OR8B8: variants seen among roughly 807,000 people sequenced by gnomAD.
OR8B8 encodes the protein olfactory receptor family 8 subfamily B member 8.
Under a neutral mutation model 10.5 loss-of-function variants are expected in OR8B8, and 8 were observed. The observed-to-expected ratio is 0.76, with a 90% CI of 0.45 to 1.38. OR8B8 has a LOEUF of 1.38. Ranked by LOEUF, OR8B8 falls within the 40% of genes most tolerant of loss-of-function variation. OR8B8 has a pLI of 0.00. For synonymous variants in OR8B8, 150 were observed against 145.2 expected (o/e 1.03, Z -0.24); for missense variants, 390 against 380.5 (o/e 1.03, Z -0.21).
rs760554019 is a variant in OR8B8 at position 124,440,968 on chromosome 11, C to G, written c.118G>C (p.Val40Leu). 28 of 1,614,054 alleles carry G rather than the reference C, an allele frequency of 1.7e-5. 1 individual carries two copies. Among genetic ancestry groups the G allele is most frequent in the Non-Finnish European group, 2.3e-5 (27 of 1,180,030 alleles). The change falls in exon 3 of 3, where the codon GTG (valine) becomes CTG (leucine). Residue 40 changes from valine to leucine, a missense_variant. Physicochemically the swap from Val to Leu is conservative, Grantham distance 32. Transcript: ENST00000642064. ...AGGGTTATCAAGCCCAGGTTCCCCACCACAGTGACCACGTAGAAGCCTAGA... is the reference window on the plus strand; with the variant it reads ...AGGGTTATCAAGCCCAGGTTCCCCAGCACAGTGACCACGTAGAAGCCTAGA... ...LFLGFYVVTV[V>L]GNLGLITLIR...
Position 124,440,448 on chromosome 11 carries a change from G to C in OR8B8, c.638C>G (p.Thr213Ser). 1 of 1,614,200 alleles carries C rather than the reference G, an allele frequency of 6.2e-7. No homozygotes were observed. The highest frequency in any genetic ancestry group is 8.5e-7 in the Non-Finnish European group (1 of 1,180,040). Residue 213 changes from threonine to serine, a missense_variant, in exon 3 of 3, where the codon ACC becomes AGC. Thr to Ser is a moderately conservative substitution (Grantham distance 58). Coordinates refer to ENST00000642064, the MANE Select transcript of OR8B8 (RefSeq NM_012378.2). ...VGIDIGVPTV[T>S]IFISYALILS... is the part of the protein sequence containing the mutation. ...AATGAGAGCATAGGAAATGAAGATGGTGACTGTGGGCACACCAATATCAAT... is the reference window on the plus strand; with the variant it reads ...AATGAGAGCATAGGAAATGAAGATGCTGACTGTGGGCACACCAATATCAAT...
At chr11:124,443,923 C>A (rs148500938) in intron 1 of OR8B8, among the ~76,000 whole-genome samples, 3 of 152,168 alleles carry the variant, frequency 2.0e-5, no homozygotes, top group Non-Finnish European at 2.9e-5. Flanking sequence ...GATCTGTAAG[C>A]GTGAAGGAAT....
rs534811708 is a variant in OR8B8 at position 124,444,453 on chromosome 11, G to A, written c.-153+1123C>T. 3.3e-5 allele frequency among the ~76,000 whole-genome samples: 5 copies of A among 152,252 alleles called. No homozygotes were observed. The South Asian group carries it at 6.2e-4, about 19-fold the overall frequency. ...TCACACCTTAATAGGGATTAGCCAC[G>A]ACAAATCCTACAGTACTTTGTTCTT... On this transcript the variant is annotated intron_variant, in intron 1 of 2. Coordinates refer to ENST00000642064, the MANE Select transcript of OR8B8 (RefSeq NM_012378.2).
rs1279000179 is a variant in OR8B8, at chr11:124,437,655, TGTGTGTGTGTGTGCGCGC to T, written c.*2477_*2494del. ...GTGTGTGTGTGTGTGTGTGTGTGTG[TGTGTGTGTGTGTGCGCGC>T]GCGCGTGCGTGCGTGCTGGGATTAC... On this transcript the variant is annotated 3_prime_UTR_variant, in exon 3 of 3. Transcript: ENST00000642064. 2,022 of 115,904 alleles carry T rather than the reference TGTGTGTGTGTGTGCGCGC, an allele frequency of 0.017. 38 individuals carry two copies. The highest frequency in any genetic ancestry group is 0.057 in the African/African-American group (1,903 of 33,156). 7.2% of individuals were successfully genotyped at this position (115,904 alleles called of 1,614,324 possible). A position where few individuals can be genotyped will look rare whatever the true frequency, so the allele number is the denominator to read the frequency against.
rs1861466203 is a variant in OR8B8, at chr11:124,440,912, AG to A, written c.173del (p.Pro58LeufsTer12). On this transcript the variant is annotated frameshift_variant, in exon 3 of 3. Transcript: ENST00000642064. LOFTEE classifies it high-confidence loss of function. ...ACAAGTTATAGAGGAAGAAGTACAT[AG>A]GGGTGTGCAAGTGAGAGTTGAGCCT... ...LIRLNSHLHT[P>X]MYFFLYNLSF... is the part of the protein sequence containing the mutation. 1 of 1,614,078 alleles carries A rather than the reference AG, an allele frequency of 6.2e-7. No individual in the cohort carries two copies.
chr11:124,443,274 G>T (rs1456046212), intron 1 of OR8B8, among the ~76,000 whole-genome samples: 4 of 152,144 alleles, frequency 2.6e-5, no homozygotes, highest in Non-Finnish European at 5.9e-5. Flanking sequence ...ATATAGTTGT[G>T]CATCAACCCT....
rs762419906 is a variant in OR8B8, at chr11:124,440,766, A to G, written c.320T>C (p.Phe107Ser). 30 of 1,614,122 alleles carry G rather than the reference A, an allele frequency of 1.9e-5. No homozygotes were observed. The Admixed American group carries it at 4.8e-4, about 26-fold the overall frequency. The change falls in exon 3 of 3, where the codon TTT becomes TCT. Residue 107 changes from phenylalanine to serine, a missense_variant. Transcript: ENST00000642064. Reference sequence around the variant, plus strand: ...CAGGATGAAGGACTCAGAGACAACAAAGAAAAGAAAGAAGAAGAGCTGAGT... The same window carrying G: ...CAGGATGAAGGACTCAGAGACAACAGAGAAAAGAAAGAAGAAGAGCTGAGT... The part of the protein sequence containing the change: ...CMTQLFFFLF[F>S]VVSESFILSA...
In OR8B8 at chr11:124,439,881, G is replaced by A. The variant is rs1009311613; in HGVS notation, c.*269C>T. 4 of 342,364 alleles carry A rather than the reference G, an allele frequency of 1.2e-5. No homozygotes were observed. The highest frequency in any genetic ancestry group is 4.8e-5 in the East Asian group (1 of 20,836). 21.2% of individuals were successfully genotyped at this position (342,364 alleles called of 1,614,324 possible). ...GAAATAAAGAGCCTGGATTTTAGTC[G>A]CAGTTCCACTGCTGAGCAGCTGAGC... On this transcript the variant is annotated 3_prime_UTR_variant, in exon 3 of 3. Transcript: ENST00000642064.
intron 1 of OR8B8, among the ~76,000 whole-genome samples, chr11:124,444,083 A>G (rs758991832): frequency 3.3e-5 from 5 of 152,176 alleles, no homozygotes; most frequent in Non-Finnish European, 5.9e-5. Flanking sequence ...GGTTTTCTAT[A>G]CTTCCCTGTT....
At chr11:124,441,162 T>G in intron 2 of OR8B8, 61 bp from the exon 3 acceptor site, 2 of 1,063,756 alleles carry the variant, frequency 1.9e-6, no homozygotes, top group Non-Finnish European at 2.7e-6. Context: ...GCCCTCCCAG[T>G]CATCCCTCCT....
chr11:124,441,114 G>A lies in OR8B8; in HGVS notation c.-16-13C>T. ...CATTTAAGGCATTCTGTGGGGACAAGGGAAAAAGTTATTTAGAGAGAGAGA... is the reference window on the plus strand; with the variant it reads ...CATTTAAGGCATTCTGTGGGGACAAAGGAAAAAGTTATTTAGAGAGAGAGA... On this transcript the variant is annotated splice_polypyrimidine_tract_variant and intron_variant, in intron 2 of 2. Transcript: ENST00000642064. The A allele has an allele frequency of 6.4e-7, 1 of 1,553,546 alleles. No homozygotes were observed. Among genetic ancestry groups the A allele is most frequent in the Non-Finnish European group, 8.8e-7 (1 of 1,140,444 alleles).
At chr11:124,443,687 C>T (rs955870195) in intron 1 of OR8B8, among the ~76,000 whole-genome samples, 2 of 152,170 alleles carry the variant, frequency 1.3e-5, no homozygotes, top group South Asian at 2.1e-4. Flanking sequence ...GTTCAGGTCC[C>T]ATCACCAAGC....
intron 1 of OR8B8, among the ~76,000 whole-genome samples, chr11:124,441,991 G>A (rs955375768): frequency 5.9e-5 from 9 of 152,072 alleles, no homozygotes; most frequent in Non-Finnish European, 7.4e-5. Flanking sequence ...ACATCTACTC[G>A]GAAATATGCA....
In OR8B8 at chr11:124,437,854, T is replaced by G. The variant is rs1278521097; in HGVS notation, c.*2296A>C. 1 of 152,140 alleles carries G rather than the reference T, an allele frequency of 6.6e-6. No homozygotes were observed. The highest frequency in any genetic ancestry group is 1.5e-5 in the Non-Finnish European group (1 of 68,034). 9.4% of individuals were successfully genotyped at this position (152,140 alleles called of 1,614,324 possible). A position where few individuals can be genotyped will look rare whatever the true frequency, so the allele number is the denominator to read the frequency against. ...ATCTGATTCTGAGGGGACACAAGTG[T>G]TCAGCCTATAGCAAATGTATTATCT... is the stretch of plus-strand genomic sequence containing the variant. On this transcript the variant is annotated 3_prime_UTR_variant, in exon 3 of 3. Coordinates refer to ENST00000642064, the MANE Select transcript of OR8B8 (RefSeq NM_012378.2).
chr11:124,443,075 T>TTTCACCCTA (rs1401873218), intron 1 of OR8B8, among the ~76,000 whole-genome samples: 2,146 of 149,024 alleles, frequency 0.014, no homozygotes, highest in East Asian at 0.021. Flanking sequence ...TTTAGGCAGG[T>TTTCACCCTA]TTGGGATTCA....
chr11:124,440,260 G>T lies in OR8B8; in HGVS notation c.826C>A (p.Leu276Ile), dbSNP rs1187490069. 2.5e-6 allele frequency: 4 copies of T among 1,614,146 alleles called. No homozygotes were observed. The East Asian group carries it at 8.9e-5, about 36-fold the overall frequency. ...ATGGGCACCACAGTGGTATAGAATAGGGAAGACACCTTGCCCTGGTTCATA... is the reference window on the plus strand; with the variant it reads ...ATGGGCACCACAGTGGTATAGAATATGGAAGACACCTTGCCCTGGTTCATA... ...LAMNQGKVSS[L>I]FYTTVVPMLN... Residue 276 changes from leucine to isoleucine, a missense_variant, in exon 3 of 3, where the codon CTA (leucine) becomes ATA (isoleucine). Coordinates refer to ENST00000642064, the MANE Select transcript of OR8B8 (RefSeq NM_012378.2).
chr11:124,441,116 G>A lies in OR8B8; in HGVS notation c.-16-15C>T, dbSNP rs761724026. 8 of 1,548,022 alleles carry A rather than the reference G, an allele frequency of 5.2e-6. No individual in the cohort carries two copies. In the South Asian group the frequency reaches 6.9e-5, roughly 13 times the overall value. ...TTTAAGGCATTCTGTGGGGACAAGG[G>A]AAAAAGTTATTTAGAGAGAGAGAGA... On this transcript the variant is annotated splice_polypyrimidine_tract_variant and intron_variant, in intron 2 of 2. Coordinates refer to ENST00000642064, the MANE Select transcript of OR8B8 (RefSeq NM_012378.2).
intron 2 of OR8B8, among the ~76,000 whole-genome samples, 165 bp downstream of exon 2, chr11:124,441,323 G>T (rs151236569): frequency 6.6e-6 from 1 of 152,098 alleles, no homozygotes; most frequent in Non-Finnish European, 1.5e-5. Flanking sequence ...CCTTTGTTGC[G>T]CCCTTTCAAC....
Position 124,438,529 on chromosome 11 carries a change from C to T in OR8B8, c.*1621G>A, listed in dbSNP as rs185880063. 3.9e-5 allele frequency: 6 copies of T among 152,296 alleles called. No homozygotes were observed. The highest frequency in any genetic ancestry group is 1.4e-4 in the African/African-American group (6 of 41,552). 9.4% of individuals were successfully genotyped at this position (152,296 alleles called of 1,614,324 possible). A position where few individuals can be genotyped will look rare whatever the true frequency, so the allele number is the denominator to read the frequency against. On this transcript the variant is annotated 3_prime_UTR_variant, in exon 3 of 3. Transcript: ENST00000642064. The stretch of plus-strand genomic sequence containing the variant: ...TTTTTAAACTGAAAAGCTACTCTAC[C>T]TTCCTTTATACAGTACCATTAGGCT...
Sources: gnomAD v4.1 joint callset for allele counts (sites outside exome capture counted in the v4.1 genomes callset) on GRCh38, gnomAD v4.1.1 for gene constraint, MANE v1.5 for transcripts, NCBI Gene and HGNC (gene_info 2026-07-23, HGNC 2026-07-21) for gene names.